The following CACNG3 variants were observed in gnomAD, a reference collection of about 807,000 sequenced individuals.
CACNG3 encodes the protein calcium voltage-gated channel auxiliary subunit gamma 3.
CACNG3 carries 3 observed loss-of-function variants against 28.5 expected under a neutral mutation model. That is an observed-to-expected ratio of 0.11 (90% confidence interval 0.05 to 0.27). The LOEUF is 0.27. CACNG3 is among the 10% of genes least tolerant of loss of function. CACNG3 has a pLI of 1.00. For missense variants in CACNG3, 236 were observed against 414.4 expected (o/e 0.57, Z 3.74); for synonymous variants, 174 against 162.2 (o/e 1.07, Z -0.55).
rs2141386674 is a variant in CACNG3, at chr16:24,361,076, G to A, written c.437-276G>A. On this transcript the variant is annotated intron_variant, in intron 3 of 3. Transcript: ENST00000005284. The surrounding 1 kb of genome is among the most constrained non-coding windows in gnomAD (Gnocchi z 6.8). ...TGTTGATGAGATGAATTGCTTCTAA[G>A]GGAAAAATAAGTGCATTCTGAGTTC... Among the ~76,000 whole-genome samples the A allele has an allele frequency of 6.6e-6, 1 of 152,270 alleles. No individual in the cohort carries two copies. The highest frequency in any genetic ancestry group is 6.5e-5 in the Admixed American group (1 of 15,288).
At chr16:24,322,640 G>A (rs1425793753) in intron 1 of CACNG3, among the ~76,000 whole-genome samples, 1 of 152,046 alleles carries the variant, frequency 6.6e-6, no homozygotes, top group Non-Finnish European at 1.5e-5. Flanking sequence ...AGAGGAGAGT[G>A]TAAGAAGCAA....
chr16:24,336,013 T>C (rs1899699807), intron 1 of CACNG3, among the ~76,000 whole-genome samples: 1 of 151,552 alleles, frequency 6.6e-6, no homozygotes, highest in Non-Finnish European at 1.5e-5. Context: ...GCCCAATAAA[T>C]ACTTTTAGAA....
Position 24,302,233 on chromosome 16 carries a change from G to A in CACNG3, c.212-44501G>A, listed in dbSNP as rs147658415. Among the ~76,000 whole-genome samples, 171 of 152,210 alleles carry A rather than the reference G, an allele frequency of 1.1e-3. 1 individual carries two copies. The highest frequency in any genetic ancestry group is 4.1e-3 in the African/African-American group (169 of 41,528). On this transcript the variant is annotated intron_variant, in intron 1 of 3. Transcript: ENST00000005284. ...GTAACGTTTTGAAAACATCTGTAAG[G>A]TTGTGCTATCCTTCTGCTTAATATT...
chr16:24,349,356 A>G (rs532285356), intron 2 of CACNG3, among the ~76,000 whole-genome samples: 1 of 152,366 alleles, frequency 6.6e-6, no homozygotes, highest in East Asian at 1.9e-4. Flanking sequence ...GAGTCCACAA[A>G]GTAGAGTGAA....
rs755477821 is a variant in CACNG3, at chr16:24,281,798, GACA to G, written c.211+24837_211+24839del. Among the ~76,000 whole-genome samples, 5 of 152,272 alleles carry G rather than the reference GACA, an allele frequency of 3.3e-5. No individual in the cohort carries two copies. In the South Asian group the frequency reaches 1.0e-3, roughly 32 times the overall value. On this transcript the variant is annotated intron_variant, in intron 1 of 3. Coordinates refer to ENST00000005284, the MANE Select transcript of CACNG3 (RefSeq NM_006539.4). Reference sequence around the variant, plus strand: ...AATGCTTTTTTCGTGTGCTTCTCATGACAACACTTTGAGATAGGTGCTATTGTC... The same window carrying G: ...AATGCTTTTTTCGTGTGCTTCTCATGACACTTTGAGATAGGTGCTATTGTC...
In CACNG3 at chr16:24,361,260, C is replaced by A; in HGVS notation, c.437-92C>A. 9.6e-7 allele frequency: 1 copy of A among 1,044,208 alleles called. No homozygotes were observed. Among genetic ancestry groups the A allele is most frequent in the Non-Finnish European group, 1.4e-6 (1 of 705,416 alleles). 64.7% of individuals were successfully genotyped at this position (1,044,208 alleles called of 1,614,324 possible). ...AATCCATTCTCCTCTCTCCCCATTA[C>A]CTCCACATTTTCTATAAATATTTTA... On this transcript the variant is annotated intron_variant, in intron 3 of 3. Transcript: ENST00000005284. This position sits in a 1 kb window ranked among gnomAD's most constrained non-coding sequence, Gnocchi z 6.8.
intron 1 of CACNG3, among the ~76,000 whole-genome samples, chr16:24,291,886 T>G (rs978838648): frequency 1.3e-5 from 2 of 151,868 alleles, no homozygotes; most frequent in Non-Finnish European, 2.9e-5. Flanking sequence ...CGTCAAGGAA[T>G]GAATGGAAGA....
intron 1 of CACNG3, among the ~76,000 whole-genome samples, chr16:24,339,938 T>C (rs543750024): frequency 1.1e-4 from 17 of 152,308 alleles, no homozygotes; most frequent in African/African-American, 4.1e-4. Flanking sequence ...GAATACATTC[T>C]AATATCCTAT....
At chr16:24,305,726 T>C (rs1039050930) in intron 1 of CACNG3, among the ~76,000 whole-genome samples, 1 of 152,124 alleles carries the variant, frequency 6.6e-6, no homozygotes, top group African/African-American at 2.4e-5. Context: ...AACGGGTTGA[T>C]AGGTGTAGCA....
chr16:24,313,455 T>C (rs553610621), intron 1 of CACNG3, among the ~76,000 whole-genome samples: 14 of 152,222 alleles, frequency 9.2e-5, no homozygotes, highest in African/African-American at 3.4e-4. Flanking sequence ...TTTCGGCACT[T>C]TTATGTTTTT....
intron 1 of CACNG3, among the ~76,000 whole-genome samples, chr16:24,305,667 G>C (rs929137986): frequency 1.3e-5 from 2 of 152,064 alleles, no homozygotes; most frequent in African/African-American, 4.8e-5. Context: ...CAAGAGGAGG[G>C]AGAGCATTAG....
intron 2 of CACNG3, among the ~76,000 whole-genome samples, chr16:24,350,090 C>G (rs1164066778): frequency 6.6e-6 from 1 of 152,160 alleles, no homozygotes; most frequent in Non-Finnish European, 1.5e-5. Flanking sequence ...CTGAAGCCAC[C>G]ATATGTCCAC....
intron 1 of CACNG3, among the ~76,000 whole-genome samples, chr16:24,274,218 A>G (rs1341767850): frequency 6.6e-6 from 1 of 151,222 alleles, no homozygotes; most frequent in African/African-American, 2.4e-5. Context: ...AAAAAACTCA[A>G]CCTCTACTAC....
At chr16:24,334,407 G>C (rs1473853706) in intron 1 of CACNG3, among the ~76,000 whole-genome samples, 2 of 152,212 alleles carry the variant, frequency 1.3e-5, no homozygotes, top group Non-Finnish European at 2.9e-5. Flanking sequence ...ACTGTCCAGA[G>C]CCTGCTCTGA....
At chr16:24,299,270 G>T (rs749188564) in intron 1 of CACNG3, among the ~76,000 whole-genome samples, 1 of 152,092 alleles carries the variant, frequency 6.6e-6, no homozygotes, top group African/African-American at 2.4e-5. Context: ...TATACTTTGG[G>T]TTATAATCTA....
chr16:24,343,759 T>C (rs112092284), intron 1 of CACNG3, among the ~76,000 whole-genome samples: 7 of 152,250 alleles, frequency 4.6e-5, no homozygotes, highest in African/African-American at 1.7e-4. Context: ...AAGCTTCAAT[T>C]TCCTCCTCAT....
At chr16:24,329,352 A>G (rs1210914677) in intron 1 of CACNG3, among the ~76,000 whole-genome samples, 3 of 152,218 alleles carry the variant, frequency 2.0e-5, no homozygotes, top group Non-Finnish European at 4.4e-5. Context: ...GGCAGAGCTG[A>G]CCAGCGAAGG....
intron 3 of CACNG3, among the ~76,000 whole-genome samples, chr16:24,358,177 TG>T (rs1017134658): frequency 5.9e-5 from 9 of 151,910 alleles, no homozygotes; most frequent in Admixed American, 5.2e-4. Flanking sequence ...ATAAGAGTGC[TG>T]GGGGGAAAAA....
chr16:24,348,778 G>C (rs1225487817), intron 2 of CACNG3, among the ~76,000 whole-genome samples: 2 of 152,158 alleles, frequency 1.3e-5, no homozygotes, highest in Non-Finnish European at 2.9e-5. Context: ...TTACCAGAGT[G>C]CCCATAGATT....
Sources: allele counts gnomAD v4.1 joint callset (sites outside exome capture counted in the v4.1 genomes callset), GRCh38; gene constraint gnomAD v4.1.1; non-coding constraint Gnocchi (gnomAD v3.1); transcripts MANE v1.5; gene names NCBI Gene and HGNC (gene_info 2026-07-23, HGNC 2026-07-21).